The following PTPN6 variants were observed in gnomAD, a reference collection of about 807,000 sequenced individuals.
PTPN6 encodes tyrosine-protein phosphatase non-receptor type 6.
Under a neutral mutation model 81.5 loss-of-function variants are expected in PTPN6, and 18 were observed. The observed-to-expected ratio is 0.22, with a 90% CI of 0.15 to 0.33. The LOEUF (loss-of-function observed/expected upper bound fraction) is 0.33. Among genes scored for constraint, PTPN6 ranks in the 10% least tolerant of loss-of-function variants. The pLI, the probability that PTPN6 is intolerant of heterozygous loss-of-function variation, is 1.00. For synonymous variants in PTPN6, 301 were observed against 310.9 expected, an observed-to-expected ratio of 0.97 and a Z score of 0.33; for missense variants, 500 against 794.2, an observed-to-expected ratio of 0.63 and a Z score of 4.45.
At chr12:6,947,738 A>G (rs1036595301), upstream of PTPN6, among the ~76,000 whole-genome samples, 4 of 151,798 alleles carry the variant, frequency 2.6e-5, no homozygotes, top group Non-Finnish European at 4.4e-5. Flanking sequence ...TGCAGGTGAC[A>G]TTACTAGCTG....
chr12:6,956,598 C>T lies in PTPN6; in HGVS notation c.1074+30C>T, dbSNP rs781881649. On this transcript the variant is annotated intron_variant, in intron 9 of 15. Transcript: ENST00000318974. This position sits in a 1 kb window ranked among gnomAD's most constrained non-coding sequence, Gnocchi z 4.1. ...GGCGCCCCCCCTTCCCCGCATCCGC[C>T]CCCGTGCTTGTGGTCATGCCATTAA... is the stretch of plus-strand genomic sequence containing the variant. The T allele has an allele frequency of 1.9e-5, 31 of 1,612,498 alleles. No homozygotes were observed. The highest frequency in any genetic ancestry group is 2.5e-5 in the Non-Finnish European group (29 of 1,179,828).
rs147632060 is a variant in PTPN6 at position 6,955,134 on chromosome 12, A to C, written c.517-17A>C. The C allele has an allele frequency of 6.9e-4, 1,106 of 1,613,416 alleles. 9 individuals are homozygous for C. In the African/African-American group the frequency reaches 0.011, roughly 16 times the overall value. ...GAGACTCAAGTCCTGTGAATGGCCT[A>C]ATTTGGCTCCCCCCAGGGTGGACGC... On this transcript the variant is annotated splice_polypyrimidine_tract_variant and intron_variant, in intron 4 of 15. Coordinates refer to ENST00000318974, the MANE Select transcript of PTPN6 (RefSeq NM_002831.6). The surrounding 1 kb of genome is among the most constrained non-coding windows in gnomAD (Gnocchi z 7.2).
chr12:6,960,965 G>T lies in PTPN6; in HGVS notation c.*25+20G>T, dbSNP rs1555149883. The T allele has an allele frequency of 6.4e-7, 1 of 1,553,040 alleles. No homozygotes were observed. Among genetic ancestry groups the T allele is most frequent in the Non-Finnish European group, 8.7e-7 (1 of 1,148,432 alleles). On this transcript the variant is annotated intron_variant, in intron 15 of 15. Transcript: ENST00000318974. This position sits in a 1 kb window ranked among gnomAD's most constrained non-coding sequence, Gnocchi z 6.1. Reference sequence around the variant, plus strand: ...GCCATGGTACAGCTCTTCTGCCTGGGTGTCCTCCCTGCCCTGCCCTGTGTC... The same window carrying T: ...GCCATGGTACAGCTCTTCTGCCTGGTTGTCCTCCCTGCCCTGCCCTGTGTC...
chr12:6,956,240 G>A lies in PTPN6; in HGVS notation c.924+19G>A, dbSNP rs782267956. On this transcript the variant is annotated intron_variant, in intron 8 of 15. Coordinates refer to ENST00000318974, the MANE Select transcript of PTPN6 (RefSeq NM_002831.6). The surrounding 1 kb of genome is among the most constrained non-coding windows in gnomAD (Gnocchi z 4.1). ...CATCAAGGTCAGCAGTGTGGGCCAC[G>A]TGGGAGGAGAGGCTGGGCCCTGGGA... The A allele has an allele frequency of 6.2e-7, 1 of 1,613,496 alleles. No individual in the cohort carries two copies.
upstream of PTPN6, among the ~76,000 whole-genome samples, chr12:6,948,358 C>T (rs1945861940): frequency 6.7e-6 from 1 of 149,980 alleles, no homozygotes; most frequent in Non-Finnish European, 1.5e-5. Flanking sequence ...ATCACCTGAG[C>T]CAAGGAGGTC....
chr12:6,951,358 T>C lies in PTPN6; in HGVS notation c.-155T>C, dbSNP rs376332356. On this transcript the variant is annotated 5_prime_UTR_variant, in exon 1 of 16. Transcript: ENST00000318974. This position sits in a 1 kb window ranked among gnomAD's most constrained non-coding sequence, Gnocchi z 7.2. ...CGCCCTGCCGGCTGCCCCAGGCCAG[T>C]GGAGTGGCAGCCCCAGAACTGGGAC... 1.5e-5 allele frequency: 23 copies of C among 1,538,126 alleles called. No homozygotes were observed. The African/African-American group carries it at 1.5e-4, about 10-fold the overall frequency.
rs782482988 is a variant in PTPN6 at position 6,960,616 on chromosome 12, G to C, written c.1673+181G>C. On this transcript the variant is annotated intron_variant, in intron 14 of 15. Transcript: ENST00000318974. This position sits in a 1 kb window ranked among gnomAD's most constrained non-coding sequence, Gnocchi z 6.1. ...TGCCCACACGTGTGGGCCTCTGCTA[G>C]GTACCAGCAGCGCACTCGTGTATGA... The C allele has an allele frequency of 2.7e-5, 40 of 1,506,606 alleles. No homozygotes were observed. Among genetic ancestry groups the C allele is most frequent in the African/African-American group, 1.4e-5 (1 of 71,982 alleles). 93.3% of individuals were successfully genotyped at this position (1,506,606 alleles called of 1,614,324 possible). A position where few individuals can be genotyped will look rare whatever the true frequency, so the allele number is the denominator to read the frequency against.
In PTPN6 at chr12:6,956,015, C is replaced by A; in HGVS notation, c.845-127C>A. ...CAGATGATCCCCCACCCCTGCTGCC[C>A]ACAGTCCCCCGCAAGCCTCATGGCT... On this transcript the variant is annotated intron_variant, in intron 7 of 15. Transcript: ENST00000318974. This position sits in a 1 kb window ranked among gnomAD's most constrained non-coding sequence, Gnocchi z 4.1. 1 of 990,150 alleles carries A rather than the reference C, an allele frequency of 1.0e-6. No individual in the cohort carries two copies. The highest frequency in any genetic ancestry group is 2.6e-5 in the East Asian group (1 of 39,126). The allele number at this position is 990,150 out of a possible 1,614,324, so 61.3% of individuals were successfully genotyped here. A position where few individuals can be genotyped will look rare whatever the true frequency, so the allele number is the denominator to read the frequency against.
chr12:6,958,239 C>T (rs187556269), intron 11 of PTPN6, among the ~76,000 whole-genome samples, 166 bp downstream of exon 11: 16 of 152,286 alleles, frequency 1.1e-4, no homozygotes, highest in Admixed American at 6.5e-4. Context: ...CTGGGTGGAT[C>T]GTGGCTGGAA....
At position 6,961,165 on chromosome 12, in the gene PTPN6, G is replaced by A. The variant is rs1946132947; in HGVS notation, c.*65G>A. 1.1e-5 allele frequency: 7 copies of A among 655,604 alleles called. No homozygotes were observed. Among genetic ancestry groups the A allele is most frequent in the Non-Finnish European group, 1.8e-5 (7 of 396,540 alleles). The allele number at this position is 655,604 out of a possible 1,614,324, so 40.6% of individuals were successfully genotyped here. ...CTGTGGAAGCATTTCGCGATGGACA[G>A]ACTCACAACCTGAACCTAGGAGTGC... On this transcript the variant is annotated 3_prime_UTR_variant, in exon 16 of 16. Coordinates refer to ENST00000318974, the MANE Select transcript of PTPN6 (RefSeq NM_002831.6).
chr12:6,954,288 G>A lies in PTPN6; in HGVS notation c.327-517G>A, dbSNP rs1945980684. Among the ~76,000 whole-genome samples, 1 of 152,016 alleles carries A rather than the reference G, an allele frequency of 6.6e-6. No individual in the cohort carries two copies. The highest frequency in any genetic ancestry group is 1.5e-5 in the Non-Finnish European group (1 of 68,048). On this transcript the variant is annotated intron_variant, in intron 3 of 15. Transcript: ENST00000318974. The surrounding 1 kb of genome is among the most constrained non-coding windows in gnomAD (Gnocchi z 5.4). The stretch of plus-strand genomic sequence containing the variant: ...ATCTCCCACCACTCCCTGTGGTGTG[G>A]CCTCGGTCTGCGTTTCTCTTTGCCT...
At position 6,959,139 on chromosome 12, in the gene PTPN6, C is replaced by T. The variant is rs1412506693; in HGVS notation, c.1362-788C>T. Among the ~76,000 whole-genome samples the T allele has an allele frequency of 6.6e-6, 1 of 152,234 alleles. No individual in the cohort carries two copies. Among genetic ancestry groups the T allele is most frequent in the Non-Finnish European group, 1.5e-5 (1 of 68,038 alleles). ...CTAGAGGTGCCCCCGATGGGCTGTC[C>T]GGGGACGCGGCTCTGTCCTGTGCTC... On this transcript the variant is annotated intron_variant, in intron 11 of 15. Transcript: ENST00000318974. This position sits in a 1 kb window ranked among gnomAD's most constrained non-coding sequence, Gnocchi z 6.6.
In PTPN6 at chr12:6,951,371, C is replaced by G; in HGVS notation, c.-142C>G. On this transcript the variant is annotated 5_prime_UTR_variant, in exon 1 of 16. Coordinates refer to ENST00000318974, the MANE Select transcript of PTPN6 (RefSeq NM_002831.6). The surrounding 1 kb of genome is among the most constrained non-coding windows in gnomAD (Gnocchi z 7.2). ...GCCCCAGGCCAGTGGAGTGGCAGCC[C>G]CAGAACTGGGACCACCGGGGGTGGT... The G allele has an allele frequency of 6.5e-7, 1 of 1,543,404 alleles. No individual in the cohort carries two copies. Among genetic ancestry groups the G allele is most frequent in the East Asian group, 2.4e-5 (1 of 40,876 alleles).
upstream of PTPN6, among the ~76,000 whole-genome samples, chr12:6,947,793 G>A (rs1208922885): frequency 1.3e-5 from 2 of 152,134 alleles, no homozygotes; most frequent in African/African-American, 4.8e-5. Flanking sequence ...TTTGAGCTGA[G>A]ACCCGGATGA....
At position 6,951,420 on chromosome 12, in the gene PTPN6, G is replaced by A. The variant is rs1555147692; in HGVS notation, c.-93G>A. On this transcript the variant is annotated 5_prime_UTR_variant, in exon 1 of 16. Coordinates refer to ENST00000318974, the MANE Select transcript of PTPN6 (RefSeq NM_002831.6). This position sits in a 1 kb window ranked among gnomAD's most constrained non-coding sequence, Gnocchi z 7.2. ...GTGAGGCGGCCCGGCACTGGGAGCTGCATCTGAGGCTTAGTCCCTGAGCTC... is the reference window on the plus strand; with the variant it reads ...GTGAGGCGGCCCGGCACTGGGAGCTACATCTGAGGCTTAGTCCCTGAGCTC... 10 of 1,570,538 alleles carry A rather than the reference G, an allele frequency of 6.4e-6. No homozygotes were observed. In the East Asian group the frequency reaches 1.7e-4, roughly 26 times the overall value.
chr12:6,955,248 C>T lies in PTPN6; in HGVS notation c.614C>T (p.Ala205Val), dbSNP rs1555148401. The change falls in exon 5 of 16, where the codon GCC (alanine) becomes GTC (valine). Residue 205 changes from alanine to valine, a missense_variant. Coordinates refer to ENST00000318974, the MANE Select transcript of PTPN6 (RefSeq NM_002831.6). This position sits in a 1 kb window ranked among gnomAD's most constrained non-coding sequence, Gnocchi z 7.2. ...ACGGGGATTGAGGAGGCCTCAGGCG[C>T]CTTTGTCTACCTGCGGCAGGTCAGG... ...KKTGIEEASG[A>V]FVYLRQPYYA... is the part of the protein sequence containing the mutation. The T allele has an allele frequency of 6.2e-7, 1 of 1,614,194 alleles. No individual in the cohort carries two copies. The highest frequency in any genetic ancestry group is 1.7e-5 in the Admixed American group (1 of 60,018).
chr12:6,950,524 A>G (rs77144595), upstream of PTPN6, among the ~76,000 whole-genome samples: 1,089 of 152,286 alleles, frequency 7.2e-3, 18 homozygotes, highest in African/African-American at 0.025. Context: ...GGCAGGGCAG[A>G]GGCCTAGGGA....
At position 6,954,273 on chromosome 12, in the gene PTPN6, A is replaced by C. The variant is rs1945980349; in HGVS notation, c.327-532A>C. On this transcript the variant is annotated intron_variant, in intron 3 of 15. Transcript: ENST00000318974. This position sits in a 1 kb window ranked among gnomAD's most constrained non-coding sequence, Gnocchi z 5.4. ...TGAGTCTGTGTGTCCATCTCCCACC[A>C]CTCCCTGTGGTGTGGCCTCGGTCTG... 6.6e-6 allele frequency among the ~76,000 whole-genome samples: 1 copy of C among 150,482 alleles called. No homozygotes were observed. Among genetic ancestry groups the C allele is most frequent in the Non-Finnish European group, 1.5e-5 (1 of 67,622 alleles).
chr12:6,955,855 A>G lies in PTPN6; in HGVS notation c.844+99A>G, dbSNP rs1310522113. Reference sequence around the variant, plus strand: ...TCCACCCTCCACGCCAGGAGGGGCCATCTCCCCACACCCCCCACAGAGCCT... The same window carrying G: ...TCCACCCTCCACGCCAGGAGGGGCCGTCTCCCCACACCCCCCACAGAGCCT... On this transcript the variant is annotated intron_variant, in intron 7 of 15. Transcript: ENST00000318974. The surrounding 1 kb of genome is among the most constrained non-coding windows in gnomAD (Gnocchi z 7.2). 2 of 1,127,100 alleles carry G rather than the reference A, an allele frequency of 1.8e-6. No individual in the cohort carries two copies. Among genetic ancestry groups the G allele is most frequent in the Non-Finnish European group, 2.6e-6 (2 of 755,158 alleles). The allele number at this position is 1,127,100 out of a possible 1,614,324, so 69.8% of individuals were successfully genotyped here. A position where few individuals can be genotyped will look rare whatever the true frequency, so the allele number is the denominator to read the frequency against.
Sources: allele counts gnomAD v4.1 joint callset (sites outside exome capture counted in the v4.1 genomes callset), GRCh38; gene constraint gnomAD v4.1.1; non-coding constraint Gnocchi (gnomAD v3.1); transcripts MANE v1.5; gene names NCBI Gene and HGNC (gene_info 2026-07-23, HGNC 2026-07-21).